Variants in ATAD2 observed in about 807,000 individuals in gnomAD.
The protein encoded by ATAD2 is ATPase family AAA domain containing 2, also known as ATPase family AAA domain-containing protein 2.
Under a neutral mutation model 168.9 loss-of-function variants are expected in ATAD2, and 62 were observed. That is an observed-to-expected ratio of 0.37 (90% confidence interval 0.30 to 0.45). The LOEUF (loss-of-function observed/expected upper bound fraction) is 0.45. Ranked by LOEUF, ATAD2 falls within the 20% of genes least tolerant of loss-of-function variation. ATAD2 has a pLI of 1.00. For missense variants in ATAD2, 1,419 were observed against 1,667.8 expected (o/e 0.85, Z 2.60); for synonymous variants, 613 against 571.6 (o/e 1.07, Z -1.03).
At position 123,348,185 on chromosome 8, in the gene ATAD2, A is replaced by G. The variant is rs1332807707; in HGVS notation, c.1895T>C (p.Val632Ala). ...TAACTGCTTAAAACAATGTTTACCA[A>G]CACAGTTTTCTGCTAGCTCTTCTAA... ...TFLEELAENCVGYCGADIKSI... is the reference protein window; with the variant it reads ...TFLEELAENCAGYCGADIKSI... The change falls in exon 15 of 28, where the codon GTT (valine) becomes GCT (alanine). Residue 632 changes from valine (V) to alanine (A), a missense_variant and splice_region_variant. Around this residue, in one of 5 missense-constraint regions of ATAD2, gnomAD observed 545 missense variants for 724.9 expected, o/e 0.75. Coordinates refer to ENST00000287394, the MANE Select transcript of ATAD2 (RefSeq NM_014109.4). The G allele has an allele frequency of 1.9e-6, 3 of 1,582,358 alleles. No individual in the cohort carries two copies. In the African/African-American group the frequency reaches 4.1e-5, roughly 22 times the overall value.
At position 123,344,991 on chromosome 8, in the gene ATAD2, G is replaced by A; in HGVS notation, c.2611C>T (p.Pro871Ser). 6.2e-7 allele frequency: 1 copy of A among 1,613,920 alleles called. No individual in the cohort carries two copies. Among genetic ancestry groups the A allele is most frequent in the Non-Finnish European group, 8.5e-7 (1 of 1,179,836 alleles). The change falls in exon 19 of 28, where the codon CCG becomes TCG. Residue 871 changes from proline to serine, a missense_variant. By Grantham distance (74) the Pro-to-Ser change is moderately conservative. This residue lies in a region of ATAD2 where 545 missense variants were observed against 724.9 expected (regional missense o/e 0.75). Transcript: ENST00000287394. ...GTGGTAAATGTGGCTTTAAGTGTCGGTCCAACTATTTCCCACCACACGTGG... is the reference window on the plus strand; with the variant it reads ...GTGGTAAATGTGGCTTTAAGTGTCGATCCAACTATTTCCCACCACACGTGG... ...HIHVWWEIVG[P>S]TLKATFTTLL... is the part of the protein sequence containing the mutation.
chr8:123,355,074 G>T (rs1033220399), intron 13 of ATAD2, among the ~76,000 whole-genome samples: 1 of 151,420 alleles, frequency 6.6e-6, no homozygotes, highest in Non-Finnish European at 1.5e-5. Flanking sequence ...AATGAAATGC[G>T]TCACATATAA....
At chr8:123,338,259 G>A (rs1419120964) in intron 20 of ATAD2, among the ~76,000 whole-genome samples, 3 of 152,090 alleles carry the variant, frequency 2.0e-5, no homozygotes, top group Admixed American at 2.0e-4. Context: ...GGAGGCTGAG[G>A]CAGGAGAATG....
intron 8 of ATAD2, among the ~76,000 whole-genome samples, chr8:123,366,642 G>A (rs1367722117): frequency 6.6e-6 from 1 of 152,142 alleles, no homozygotes; most frequent in Non-Finnish European, 1.5e-5. Context: ...ACCAAACATC[G>A]TATGTTCCAT....
At chr8:123,350,567 C>G (rs1422012673) in intron 13 of ATAD2, among the ~76,000 whole-genome samples, 1 of 151,944 alleles carries the variant, frequency 6.6e-6, no homozygotes, top group African/African-American at 2.4e-5. Context: ...TTTTTTTTCC[C>G]TCCATGACAT....
intron 1 of ATAD2, among the ~76,000 whole-genome samples, chr8:123,390,818 G>A (rs535517577): frequency 6.6e-6 from 1 of 152,258 alleles, no homozygotes; most frequent in African/African-American, 2.4e-5. Flanking sequence ...GATCACCTGA[G>A]GTCAGGAGTT....
chr8:123,376,669 A>G (rs1312746576), intron 2 of ATAD2, among the ~76,000 whole-genome samples: 1 of 152,170 alleles, frequency 6.6e-6, no homozygotes, highest in African/African-American at 2.4e-5. Flanking sequence ...GAAATAATTA[A>G]TATGGCCAGG....
chr8:123,360,659 G>A (rs993915227), intron 9 of ATAD2, among the ~76,000 whole-genome samples: 2 of 151,898 alleles, frequency 1.3e-5, no homozygotes, highest in Non-Finnish European at 1.5e-5. Flanking sequence ...TCAGGAGTTC[G>A]AGACCAGCCT....
chr8:123,401,038 G>T, upstream of ATAD2: 1 of 1,570,694 alleles, frequency 6.4e-7, no homozygotes. Flanking sequence ...CAGCAAGCCG[G>T]TGGGCATCGT....
chr8:123,348,712 T>C lies in ATAD2; in HGVS notation c.1807-439A>G, dbSNP rs551719947. Among the ~76,000 whole-genome samples the C allele has an allele frequency of 3.9e-5, 6 of 152,122 alleles. No homozygotes were observed. The East Asian group carries it at 1.2e-3, about 29-fold the overall frequency. ...CCAAAAAAACTCAATATAAGCAAAA[T>C]ATGAAAGTGAAAATAAGAAAAAGGA... On this transcript the variant is annotated intron_variant, in intron 14 of 27. Transcript: ENST00000287394.
chr8:123,393,782 T>G (rs527388047), intron 1 of ATAD2, among the ~76,000 whole-genome samples: 1 of 152,126 alleles, frequency 6.6e-6, no homozygotes, highest in South Asian at 2.1e-4. Context: ...GTAGGCGTGG[T>G]GGCGCATGCC....
At chr8:123,348,550 G>A (rs575524446) in intron 14 of ATAD2, among the ~76,000 whole-genome samples, 2 of 152,208 alleles carry the variant, frequency 1.3e-5, no homozygotes, top group Non-Finnish European at 2.9e-5. Flanking sequence ...GGTAGCATGT[G>A]CCTGTAATCC....
Position 123,384,539 on chromosome 8 carries a change from T to C in ATAD2, c.172-3862A>G, listed in dbSNP as rs181270212. Among the ~76,000 whole-genome samples, 204 of 152,306 alleles carry C rather than the reference T, an allele frequency of 1.3e-3. 1 individual carries two copies. Among genetic ancestry groups the C allele is most frequent in the African/African-American group, 4.8e-3 (198 of 41,568 alleles). On this transcript the variant is annotated intron_variant, in intron 1 of 27. Transcript: ENST00000287394. ...CTCTCCCCTAGCAATGTCTTCAGAA[T>C]GGAGGGGCTCCCTTTGCAGTGCAGT...
At chr8:123,404,801 A>G (rs1455356085) in intron 1 of ATAD2, among the ~76,000 whole-genome samples, 4 of 151,966 alleles carry the variant, frequency 2.6e-5, no homozygotes, top group Non-Finnish European at 5.9e-5. Context: ...CGGCCTCCCA[A>G]AGTGCTGGGA....
chr8:123,401,725 GGGCTCCCTGCTGGCTGCCACCTCGGA>G (rs1813005929), intron 1 of ATAD2: 7 of 748,144 alleles, frequency 9.4e-6, no homozygotes, highest in South Asian at 8.4e-5. Context: ...TAGTGATGAT[GGGCTCCCTGCTGGCTGCCACCTCGGA>G]GGCCCCCAGC....
At chr8:123,356,652 ATTT>A (rs1027047443) in intron 12 of ATAD2, among the ~76,000 whole-genome samples, 175 bp from the exon 13 acceptor site, 2 of 143,426 alleles carry the variant, frequency 1.4e-5, no homozygotes, top group Admixed American at 7.0e-5. Context: ...TTTATATATA[ATTT>A]TTTTTTTTTT....
At chr8:123,360,102 G>A (rs1048100147) in intron 9 of ATAD2, among the ~76,000 whole-genome samples, 16 of 151,964 alleles carry the variant, frequency 1.1e-4, no homozygotes, top group Non-Finnish European at 2.1e-4. Flanking sequence ...TTATGAGGAA[G>A]GTATTATTAT....
chr8:123,371,549 C>CT, intron 4 of ATAD2, 121 bp downstream of exon 4: 1 of 919,540 alleles, frequency 1.1e-6, no homozygotes, highest in South Asian at 2.0e-5. Context: ...GATAATCATT[C>CT]TCCTGTACGC....
At chr8:123,394,174 A>G (rs909300718) in intron 1 of ATAD2, among the ~76,000 whole-genome samples, 4 of 151,982 alleles carry the variant, frequency 2.6e-5, no homozygotes, top group Non-Finnish European at 5.9e-5. Flanking sequence ...AATCCTAACC[A>G]TATGCTAACT....
Sources: allele counts gnomAD v4.1 joint callset (sites outside exome capture counted in the v4.1 genomes callset), GRCh38; gene constraint gnomAD v4.1.1; regional missense constraint gnomAD v4.1.1; transcripts MANE v1.5; gene names NCBI Gene and HGNC (gene_info 2026-07-23, HGNC 2026-07-21).